Variants in PUM1 observed in about 807,000 individuals in gnomAD.
PUM1 encodes pumilio homolog 1.
PUM1 carries 13 observed loss-of-function variants against 131.8 expected under a neutral mutation model. The observed-to-expected ratio is 0.10, with a 90% confidence interval of 0.06 to 0.16. The LOEUF (loss-of-function observed/expected upper bound fraction) is 0.16, where lower values mean the gene tolerates loss of function less well. PUM1 is among the 10% of genes least tolerant of loss of function. PUM1 has a pLI of 1.00. For missense variants in PUM1, 961 were observed against 1,512.4 expected, an observed-to-expected ratio of 0.64 and a Z score of 6.05; for synonymous variants, 509 against 556.5, an observed-to-expected ratio of 0.91 and a Z score of 1.20.
chr1:30,974,084 T>C (rs1047879000), intron 10 of PUM1, among the ~76,000 whole-genome samples: 8 of 132,492 alleles, frequency 6.0e-5, no homozygotes, highest in Admixed American at 1.5e-4. Flanking sequence ...CTAGACTCCA[T>C]CTCAAAAAAA....
chr1:30,952,443 T>A, intron 15 of PUM1, 80 bp from the exon 16 acceptor site: 1 of 1,598,630 alleles, frequency 6.3e-7, no homozygotes, highest in East Asian at 2.2e-5. Flanking sequence ...GTTTATAGAC[T>A]GCATCCGTTC....
At chr1:30,978,943 C>T (rs1641248834) in intron 9 of PUM1, among the ~76,000 whole-genome samples, 1 of 151,952 alleles carries the variant, frequency 6.6e-6, no homozygotes, top group South Asian at 2.1e-4. Flanking sequence ...CCCCATCTCT[C>T]CAAAAATTTA....
intron 2 of PUM1, among the ~76,000 whole-genome samples, chr1:31,057,554 C>T (rs1557609555): frequency 6.6e-6 from 1 of 151,218 alleles, no homozygotes; most frequent in African/African-American, 2.4e-5. Context: ...GTGAAACCCT[C>T]TCTCTGCTAA....
At chr1:31,015,632 C>T (rs1557586996) in intron 3 of PUM1, among the ~76,000 whole-genome samples, 1 of 151,288 alleles carries the variant, frequency 6.6e-6, no homozygotes, top group African/African-American at 2.4e-5. Flanking sequence ...TGAGCCATCA[C>T]GCCCAGCCAC....
chr1:30,943,241 T>C (rs1639532728), intron 18 of PUM1, among the ~76,000 whole-genome samples: 1 of 152,226 alleles, frequency 6.6e-6, no homozygotes, highest in Admixed American at 6.5e-5. Flanking sequence ...CTGTAGTTTA[T>C]TCTGCATGGT....
chr1:30,995,020 A>G, intron 6 of PUM1, 34 bp downstream of exon 6: 1 of 1,591,380 alleles, frequency 6.3e-7, no homozygotes, highest in East Asian at 2.2e-5. Context: ...CCCATAGCCC[A>G]TATTCAAAAA....
At chr1:30,952,464 G>A in intron 15 of PUM1, 101 bp from the exon 16 acceptor site, 1 of 1,560,118 alleles carries the variant, frequency 6.4e-7, no homozygotes. Flanking sequence ...TGAAACATGT[G>A]AGTGAGCATG....
chr1:30,985,850 C>T lies in PUM1; in HGVS notation c.1159-4445G>A, dbSNP rs145232303. On this transcript the variant is annotated intron_variant, in intron 7 of 21. Transcript: ENST00000426105. ...CAACTCCACCTATTAAAAGGCCCTG[C>T]GTTTCTAATACAAAGTTCAAAAGAG... Among the ~76,000 whole-genome samples, 793 of 152,150 alleles carry T rather than the reference C, an allele frequency of 5.2e-3. 6 individuals are homozygous for T. The highest frequency in any genetic ancestry group is 0.018 in the African/African-American group (733 of 41,478).
intron 6 of PUM1, among the ~76,000 whole-genome samples, chr1:30,992,979 A>G (rs1447454721): frequency 6.6e-6 from 1 of 152,206 alleles, no homozygotes; most frequent in Non-Finnish European, 1.5e-5. Context: ...CATCCATGAA[A>G]GCAGATCCCA....
rs987004878 is a variant in PUM1, at chr1:30,932,661, ATATATT to A, written c.*544_*549del. ...TCATTATATATATATATATATATAT[ATATATT>A]TTTTATAAACAGTGTTAAATGCCAG... On this transcript the variant is annotated 3_prime_UTR_variant, in exon 22 of 22. Transcript: ENST00000426105. 16 of 131,822 alleles carry A rather than the reference ATATATT, an allele frequency of 1.2e-4. No homozygotes were observed. The East Asian group carries it at 2.2e-3, about 18-fold the overall frequency. 8.2% of individuals were successfully genotyped at this position (131,822 alleles called of 1,614,324 possible). A position where few individuals can be genotyped will look rare whatever the true frequency, so the allele number is the denominator to read the frequency against.
chr1:30,997,987 T>C (rs916375633), intron 5 of PUM1, among the ~76,000 whole-genome samples: 7 of 152,212 alleles, frequency 4.6e-5, no homozygotes, highest in Admixed American at 3.9e-4. Context: ...TTTACCAATA[T>C]CGTACAGGCC....
In PUM1 at chr1:31,038,986, T is replaced by TATATATATATATATATATATA. The variant is rs1557599381; in HGVS notation, c.364-10123_364-10122insTATATATATATATATATATAT. 4.0e-4 allele frequency among the ~76,000 whole-genome samples: 11 copies of TATATATATATATATATATATA among 27,460 alleles called. 1 individual carries two copies. The highest frequency in any genetic ancestry group is 3.2e-3 in the African/African-American group (9 of 2,820). The allele number at this position is 27,460 out of a possible 152,430, so 18.0% of individuals were successfully genotyped here. On this transcript the variant is annotated intron_variant, in intron 2 of 21. Transcript: ENST00000426105. The stretch of plus-strand genomic sequence containing the variant: ...TATATATATATATATATATATATAT[T>TATATATATATATATATATATA]TTTTTTTTTTTTTTCCTTTTCTCTT...
intron 16 of PUM1, among the ~76,000 whole-genome samples, chr1:30,950,980 G>A (rs1390457339): frequency 6.6e-6 from 1 of 152,160 alleles, no homozygotes; most frequent in East Asian, 1.9e-4. Context: ...AGGTAACAGA[G>A]TTGGGAGGGG....
chr1:31,001,162 C>T (rs760655275), intron 5 of PUM1, among the ~76,000 whole-genome samples: 9 of 151,278 alleles, frequency 5.9e-5, no homozygotes, highest in Admixed American at 2.6e-4. Context: ...CTAGCCTGGG[C>T]GACAGAGCAA....
At chr1:30,984,453 A>G (rs969203874) in intron 7 of PUM1, among the ~76,000 whole-genome samples, 2 of 152,218 alleles carry the variant, frequency 1.3e-5, no homozygotes, top group Non-Finnish European at 2.9e-5. Context: ...CGAATATCCC[A>G]TAACTGAGAA....
At chr1:30,999,292 A>G (rs1357054859) in intron 5 of PUM1, among the ~76,000 whole-genome samples, 1 of 151,986 alleles carries the variant, frequency 6.6e-6, no homozygotes, top group East Asian at 1.9e-4. Flanking sequence ...GAGCCATAAC[A>G]CCTAGCCCAG....
rs79238391 is a variant in PUM1, at chr1:30,998,642, G to T, written c.721-3422C>A. Among the ~76,000 whole-genome samples the T allele has an allele frequency of 5.2e-3, 793 of 152,204 alleles. 6 individuals carry two copies. The highest frequency in any genetic ancestry group is 0.018 in the African/African-American group (733 of 41,514). On this transcript the variant is annotated intron_variant, in intron 5 of 21. Coordinates refer to ENST00000426105, the MANE Select transcript of PUM1 (RefSeq NM_001020658.2). ...CAAGAATAGATAAAATAAAGGATAC[G>T]AAAAGAAAAGAAAAATAAAAGACTT...
chr1:30,951,671 AC>A (rs1412143069), intron 16 of PUM1, among the ~76,000 whole-genome samples: 1 of 152,200 alleles, frequency 6.6e-6, no homozygotes, highest in Non-Finnish European at 1.5e-5. Context: ...AAAGACATCA[AC>A]CTAACAATCT....
intron 6 of PUM1, among the ~76,000 whole-genome samples, chr1:30,993,828 T>C (rs747447791): frequency 1.2e-4 from 19 of 152,156 alleles, no homozygotes; most frequent in Non-Finnish European, 2.6e-4. Context: ...CTCAGCACTT[T>C]GGGAGGCTAA....
Sources: allele counts gnomAD v4.1 joint callset (sites outside exome capture counted in the v4.1 genomes callset), GRCh38; gene constraint gnomAD v4.1.1; transcripts MANE v1.5; gene names NCBI Gene and HGNC (gene_info 2026-07-23, HGNC 2026-07-21).